The following GALNT3 variants were observed in gnomAD, a reference collection of about 807,000 sequenced individuals.
GALNT3 encodes the protein GalNAc transferase 3.
In GALNT3, 51 loss-of-function variants were observed where a neutral mutation model predicts 69.8. The ratio of observed to expected loss-of-function variants is 0.73; its 90% CI spans 0.58 to 0.92. The LOEUF is 0.92. Ranked by LOEUF, GALNT3 falls within the 40% of genes least tolerant of loss-of-function variation. The probability of loss-of-function intolerance (pLI) is 0.00; values close to 1 mark genes in which losing one functional copy is unlikely to be tolerated. For missense variants in GALNT3, 711 were observed against 760.0 expected, an observed-to-expected ratio of 0.94 and a Z score of 0.76; for synonymous variants, 265 against 248.5, an observed-to-expected ratio of 1.07 and a Z score of -0.63.
intron 1 of GALNT3, among the ~76,000 whole-genome samples, chr2:165,784,424 T>C (rs918591703): frequency 4.6e-5 from 7 of 152,120 alleles, no homozygotes; most frequent in African/African-American, 1.4e-4. Context: ...GAGATAAATA[T>C]AAGGGGCATG....
intron 1 of GALNT3, among the ~76,000 whole-genome samples, chr2:165,792,249 ATAGAT>A (rs1683369141): frequency 1.3e-5 from 2 of 152,218 alleles, no homozygotes; most frequent in African/African-American, 4.8e-5. Context: ...TATTTAACAG[ATAGAT>A]TAAGTTACAC....
Position 165,761,911 on chromosome 2 carries a change from C to A in GALNT3, c.832G>T (p.Ala278Ser). The A allele has an allele frequency of 6.2e-7, 1 of 1,614,040 alleles. No individual in the cohort carries two copies. Among genetic ancestry groups the A allele is most frequent in the Non-Finnish European group, 8.5e-7 (1 of 1,179,960 alleles). Reference sequence around the variant, plus strand: ...TCCATACATATATACTTACAGTGAGCATCTAAAAATGTGAGCGTTTCAGCT... The same window carrying A: ...TCCATACATATATACTTACAGTGAGAATCTAAAAATGTGAGCGTTTCAGCT... ...ATAETLTFLD[A>S]HCECFYGWLE... Residue 278 changes from alanine (A) to serine (S), a missense_variant, in exon 4 of 11, where the codon GCT becomes TCT. Ala to Ser is a moderately conservative substitution (Grantham distance 99). Coordinates refer to ENST00000392701, the MANE Select transcript of GALNT3 (RefSeq NM_004482.4).
rs377605951 is a variant in GALNT3 at position 165,748,862 on chromosome 2, T to C, written c.1821A>G (p.Ser607=). Reference sequence around the variant, plus strand: ...CTAAACTTGGATGCTCTCCATTTGCTGAAAGGCACATTTTTAAGAATGGAT... The same window carrying C: ...CTAAACTTGGATGCTCTCCATTTGCCGAAAGGCACATTTTTAAGAATGGAT... ...LYNPFLKMCL[S]ANGEHPSLVS... The change falls in exon 11 of 11, where the codon TCA becomes TCG. Residue 607 remains serine, a synonymous_variant. Transcript: ENST00000392701. 1 of 1,611,358 alleles carries C rather than the reference T, an allele frequency of 6.2e-7. No individual in the cohort carries two copies. The highest frequency in any genetic ancestry group is 1.3e-5 in the African/African-American group (1 of 74,948).
chr2:165,784,199 G>A (rs186892188), intron 1 of GALNT3, among the ~76,000 whole-genome samples: 124 of 152,316 alleles, frequency 8.1e-4, no homozygotes, highest in African/African-American at 2.6e-3. Context: ...CCAAATAGGG[G>A]AGGGTGGGGT....
At chr2:165,759,830 C>T (rs1688512030) in intron 4 of GALNT3, among the ~76,000 whole-genome samples, 1 of 152,094 alleles carries the variant, frequency 6.6e-6, no homozygotes, top group South Asian at 2.1e-4. Context: ...TTAACATATC[C>T]ATCACCTTAT....
In GALNT3 at chr2:165,758,794, C is replaced by T; in HGVS notation, c.1144G>A (p.Glu382Lys). 1 of 1,610,884 alleles carries T rather than the reference C, an allele frequency of 6.2e-7. No homozygotes were observed. The highest frequency in any genetic ancestry group is 1.7e-4 in the Middle Eastern group (1 of 6,050). The change falls in exon 6 of 11, where the codon GAA becomes AAA. Residue 382 changes from glutamate to lysine, a missense_variant. Coordinates refer to ENST00000392701, the MANE Select transcript of GALNT3 (RefSeq NM_004482.4). ...TCACCTCCCCAGATTTCCATTTCTT[C>T]ATCATAGCTTCCAATATACTCAAAA... ...EYFEYIGSYD[E>K]EMEIWGGENI...
intron 9 of GALNT3, among the ~76,000 whole-genome samples, chr2:165,753,677 A>T (rs1462946095): frequency 6.6e-6 from 1 of 152,176 alleles, no homozygotes; most frequent in Non-Finnish European, 1.5e-5. Flanking sequence ...AAGGTAAGGA[A>T]AGGAAGCTTA....
At chr2:165,759,953 G>C (rs566242703) in intron 4 of GALNT3, among the ~76,000 whole-genome samples, 42 of 152,048 alleles carry the variant, frequency 2.8e-4, no homozygotes, top group Non-Finnish European at 4.7e-4. Context: ...ATCTCCAGAA[G>C]GGGAGATTTT....
rs967600640 is a variant in GALNT3 at position 165,759,564 on chromosome 2, C to T, written c.845G>A (p.Cys282Tyr). Residue 282 changes from cysteine (C) to tyrosine (Y), a missense_variant, in exon 5 of 11, where the codon TGT (cysteine) becomes TAT (tyrosine). Cys to Tyr is a radical substitution (Grantham distance 194). Coordinates refer to ENST00000392701, the MANE Select transcript of GALNT3 (RefSeq NM_004482.4). ...TLTFLDAHCE[C>Y]FYGWLEPLLA... ...CAGAGGTTCTAGCCAACCATAGAAACACTCACCTGGAGGGAACAGAATTTT... is the reference window on the plus strand; with the variant it reads ...CAGAGGTTCTAGCCAACCATAGAAATACTCACCTGGAGGGAACAGAATTTT... 2 of 1,612,224 alleles carry T rather than the reference C, an allele frequency of 1.2e-6. No homozygotes were observed. Among genetic ancestry groups the T allele is most frequent in the Non-Finnish European group, 1.7e-6 (2 of 1,178,552 alleles).
chr2:165,759,208 T>C, intron 5 of GALNT3, 128 bp downstream of exon 5: 2 of 790,424 alleles, frequency 2.5e-6, no homozygotes, highest in Non-Finnish European at 2.1e-6. Context: ...TTTTAGATTC[T>C]CTTTATATAG....
intron 5 of GALNT3, 125 bp downstream of exon 5, chr2:165,759,211 T>G: frequency 1.3e-6 from 1 of 796,108 alleles, no homozygotes; most frequent in South Asian, 1.5e-5. Context: ...TAGATTCTCT[T>G]TATATAGAAT....
At chr2:165,765,314 T>C (rs1688619147) in intron 2 of GALNT3, among the ~76,000 whole-genome samples, 1 of 152,176 alleles carries the variant, frequency 6.6e-6, no homozygotes, top group African/African-American at 2.4e-5. Flanking sequence ...TATTATAGCT[T>C]TCTCAACAAT....
intron 9 of GALNT3, among the ~76,000 whole-genome samples, chr2:165,753,712 C>G (rs1688393271): frequency 6.6e-6 from 1 of 152,104 alleles, no homozygotes; most frequent in African/African-American, 2.4e-5. Flanking sequence ...TTGTATATAA[C>G]ATGTTCTCTA....
chr2:165,784,758 G>T (rs901621582), intron 1 of GALNT3, among the ~76,000 whole-genome samples: 15 of 152,166 alleles, frequency 9.9e-5, no homozygotes, highest in Admixed American at 2.0e-4. Flanking sequence ...GAGACAAGAG[G>T]CCAGTGAAAC....
intron 2 of GALNT3, among the ~76,000 whole-genome samples, chr2:165,766,220 T>C (rs981640586): frequency 6.6e-6 from 1 of 152,184 alleles, no homozygotes; most frequent in African/African-American, 2.4e-5. Flanking sequence ...TAAAAATACG[T>C]AGAAATAAAG....
At position 165,757,458 on chromosome 2, in the gene GALNT3, T is replaced by C. The variant is rs148369800; in HGVS notation, c.1192-211A>G. 3.8e-3 allele frequency among the ~76,000 whole-genome samples: 581 copies of C among 152,300 alleles called. 6 individuals carry two copies. The highest frequency in any genetic ancestry group is 0.013 in the African/African-American group (542 of 41,582). On this transcript the variant is annotated intron_variant, in intron 6 of 10. Coordinates refer to ENST00000392701, the MANE Select transcript of GALNT3 (RefSeq NM_004482.4). ...GCATAGACACTAAAGACAACAGAAGTGCATTTTCAGTAAGTTAACAAAATG... is the reference window on the plus strand; with the variant it reads ...GCATAGACACTAAAGACAACAGAAGCGCATTTTCAGTAAGTTAACAAAATG...
At position 165,794,133 on chromosome 2, in the gene GALNT3, G is replaced by A. The variant is rs886055015; in HGVS notation, c.-227C>T. The A allele has an allele frequency of 6.6e-6, 1 of 152,312 alleles. No homozygotes were observed. Among genetic ancestry groups the A allele is most frequent in the Non-Finnish European group, 1.5e-5 (1 of 68,094 alleles). 9.4% of individuals were successfully genotyped at this position (152,312 alleles called of 1,614,324 possible). A position where few individuals can be genotyped will look rare whatever the true frequency, so the allele number is the denominator to read the frequency against. ...CTCCGGTTGCTGTCGCCACAGTTGC[G>A]GCTCAGTAGAGCTCCTCCTCCGCCG... On this transcript the variant is annotated 5_prime_UTR_variant, in exon 1 of 11. Transcript: ENST00000392701.
At chr2:165,783,602 C>T (rs1379131223) in intron 1 of GALNT3, among the ~76,000 whole-genome samples, 2 of 152,020 alleles carry the variant, frequency 1.3e-5, no homozygotes, top group African/African-American at 2.4e-5. Flanking sequence ...GCTTTGCTGG[C>T]CATATGGTCT....
intron 2 of GALNT3, among the ~76,000 whole-genome samples, chr2:165,765,429 T>G (rs557960651): frequency 6.6e-6 from 1 of 152,300 alleles, no homozygotes; most frequent in South Asian, 2.1e-4. Flanking sequence ...AAACCAAATT[T>G]TTCTTATTTC....
Sources: gnomAD v4.1 joint callset for allele counts (sites outside exome capture counted in the v4.1 genomes callset) on GRCh38, gnomAD v4.1.1 for gene constraint, MANE v1.5 for transcripts, NCBI Gene and HGNC (gene_info 2026-07-23, HGNC 2026-07-21) for gene names.